BRIX1: variants seen among roughly 807,000 people sequenced by gnomAD.
BRIX1 encodes the protein biogenesis of ribosomes BRX1, also known as ribosome biogenesis protein BRX1 homolog.
Under a neutral mutation model 44.0 loss-of-function variants are expected in BRIX1, and 15 were observed. That is an observed-to-expected ratio of 0.34 (90% confidence interval 0.23 to 0.53). The LOEUF (loss-of-function observed/expected upper bound fraction) is 0.53. BRIX1 is among the 20% of genes least tolerant of loss of function. The pLI is 0.95. For synonymous variants in BRIX1, 149 were observed against 135.4 expected (o/e 1.10, Z -0.70); for missense variants, 420 against 432.8 (o/e 0.97, Z 0.26).
At chr5:34,924,360 A>T (rs143790255) in intron 8 of BRIX1, among the ~76,000 whole-genome samples, 180 of 152,378 alleles carry the variant, frequency 1.2e-3, no homozygotes, top group African/African-American at 4.2e-3. Flanking sequence ...AATAGATAAC[A>T]TAAATATTTG....
intron 1 of BRIX1, among the ~76,000 whole-genome samples, chr5:34,917,094 G>A (rs761405993): frequency 6.6e-6 from 1 of 152,088 alleles, no homozygotes; most frequent in Non-Finnish European, 1.5e-5. Flanking sequence ...ATCAGAGGAA[G>A]TGTAGAATTT....
At chr5:34,919,473 AC>A (rs1764194083) in intron 2 of BRIX1, among the ~76,000 whole-genome samples, 1 of 152,048 alleles carries the variant, frequency 6.6e-6, no homozygotes, top group African/African-American at 2.4e-5. Context: ...GTTTTCTTTG[AC>A]ACCTAAGATT....
intron 2 of BRIX1, chr5:34,919,112 AAAAGT>A (rs1423899110): frequency 6.6e-6 from 1 of 150,970 alleles, no homozygotes; most frequent in African/African-American, 2.4e-5. Flanking sequence ...AAAAAATGAA[AAAAGT>A]AAAGTAAATT....
rs1420201942 is a variant in BRIX1, at chr5:34,923,406, T to C, written c.663+172T>C. 27 of 598,642 alleles carry C rather than the reference T, an allele frequency of 4.5e-5. No homozygotes were observed. The South Asian group carries it at 5.5e-4, about 12-fold the overall frequency. 37.1% of individuals were successfully genotyped at this position (598,642 alleles called of 1,614,324 possible). ...GCTTCTGCTCCCTCAGTCTCCTGAGTAGCTGGGATTACAAGCACCCATCAT... is the reference window on the plus strand; with the variant it reads ...GCTTCTGCTCCCTCAGTCTCCTGAGCAGCTGGGATTACAAGCACCCATCAT... On this transcript the variant is annotated intron_variant, in intron 8 of 9. Coordinates refer to ENST00000336767, the MANE Select transcript of BRIX1 (RefSeq NM_018321.4).
intron 8 of BRIX1, among the ~76,000 whole-genome samples, chr5:34,923,864 T>G (rs1318567424): frequency 6.6e-6 from 1 of 152,220 alleles, no homozygotes; most frequent in African/African-American, 2.4e-5. Context: ...CCTACTTCTA[T>G]TCATGACTGT....
At position 34,918,357 on chromosome 5, in the gene BRIX1, T is replaced by C. The variant is rs762159570; in HGVS notation, c.160-7T>C. On this transcript the variant is annotated splice_region_variant and splice_polypyrimidine_tract_variant and intron_variant, in intron 1 of 9. Transcript: ENST00000336767. Reference sequence around the variant, plus strand: ...TTAAAATCTTTTAACATTTTCTTTTTCTTTAGGGAAAGTGGAAAAATAAGG... The same window carrying C: ...TTAAAATCTTTTAACATTTTCTTTTCCTTTAGGGAAAGTGGAAAAATAAGG... The C allele has an allele frequency of 7.5e-7, 1 of 1,336,348 alleles. No individual in the cohort carries two copies. Among genetic ancestry groups the C allele is most frequent in the Non-Finnish European group, 1.1e-6 (1 of 937,766 alleles). 82.8% of individuals were successfully genotyped at this position (1,336,348 alleles called of 1,614,324 possible).
chr5:34,922,387 A>C, intron 4 of BRIX1, 100 bp downstream of exon 4: 5 of 918,864 alleles, frequency 5.4e-6, no homozygotes, highest in Non-Finnish European at 8.5e-6. Context: ...TTAAGGGTTG[A>C]GAATGAAGCA....
chr5:34,921,577 T>TTTG (rs1764237370), intron 3 of BRIX1: 1 of 152,192 alleles, frequency 6.6e-6, no homozygotes, highest in Non-Finnish European at 1.5e-5. Context: ...GCATCTATTT[T>TTTG]TAGTCTTTGT....
rs1193141317 is a variant in BRIX1, at chr5:34,925,362, C to T, written c.929C>T (p.Pro310Leu). Residue 310 changes from proline to leucine, a missense_variant, in exon 10 of 10, where the codon CCA becomes CTA. Physicochemically the swap from Pro to Leu is moderately conservative, Grantham distance 98. Coordinates refer to ENST00000336767, the MANE Select transcript of BRIX1 (RefSeq NM_018321.4). Reference protein sequence around the residue: ...HDPTADVFVTPAEEKPIEIQW... With the variant: ...HDPTADVFVTLAEEKPIEIQW... ...CCCACTGCAGATGTTTTTGTAACAC[C>T]AGCTGAGGAGAAACCAATAGAAATA... The T allele has an allele frequency of 6.2e-7, 1 of 1,613,812 alleles. No individual in the cohort carries two copies. The highest frequency in any genetic ancestry group is 1.3e-5 in the African/African-American group (1 of 74,872).
At chr5:34,918,798 C>T (rs886540202) in intron 2 of BRIX1, 15 of 197,208 alleles carry the variant, frequency 7.6e-5, no homozygotes, top group Non-Finnish European at 1.3e-4. Context: ...TAAGGACTGC[C>T]ACATGTTGCT....
chr5:34,923,737 T>C (rs1007309649), intron 8 of BRIX1, among the ~76,000 whole-genome samples: 6 of 152,320 alleles, frequency 3.9e-5, no homozygotes, highest in Middle Eastern at 3.4e-3. Context: ...GATAAGGATA[T>C]ACAGGGTTTG....
At position 34,918,480 on chromosome 5, in the gene BRIX1, CT is replaced by C; in HGVS notation, c.271+8del. ...TGATGCCTCATTCTAAAGCAGGTGC[CT>C]TTATATCATATACTTTAGAAATTTC... On this transcript the variant is annotated splice_donor_region_variant and intron_variant, in intron 2 of 9. Transcript: ENST00000336767. 6.5e-7 allele frequency: 1 copy of C among 1,537,214 alleles called. No homozygotes were observed. Among genetic ancestry groups the C allele is most frequent in the Non-Finnish European group, 8.9e-7 (1 of 1,128,712 alleles).
rs746390890 is a variant in BRIX1 at position 34,924,925 on chromosome 5, T to C, written c.742T>C (p.Phe248Leu). 3.7e-6 allele frequency: 6 copies of C among 1,613,760 alleles called. No individual in the cohort carries two copies. The highest frequency in any genetic ancestry group is 5.1e-6 in the Non-Finnish European group (6 of 1,179,796). The part of the protein sequence containing the change: ...LNLIKIFQGS[F>L]GGPTLYENPH... ...TCTCATAAAGATTTTCCAGGGAAGT[T>C]TTGGAGGACCAACTTTATATGAAAA... Residue 248 changes from phenylalanine to leucine, a missense_variant, in exon 9 of 10, where the codon TTT becomes CTT. Physicochemically the swap from Phe to Leu is conservative, Grantham distance 22. Transcript: ENST00000336767.
chr5:34,920,831 G>A (rs866287783), intron 3 of BRIX1: 14 of 143,542 alleles, frequency 9.8e-5, no homozygotes, highest in Admixed American at 9.0e-4. Context: ...CAAAAGTTTT[G>A]TTTTTTTTTT....
At chr5:34,919,274 CAAAAAAAAAAA>C (rs71299559) in intron 2 of BRIX1, among the ~76,000 whole-genome samples, 11 of 35,976 alleles carry the variant, frequency 3.1e-4, no homozygotes, top group East Asian at 2.7e-3. Flanking sequence ...GACCCTGTCT[CAAAAAAAAAAA>C]AAAAAAAAAA....
rs201939948 is a variant in BRIX1, at chr5:34,922,767, C to G, written c.509C>G (p.Pro170Arg). Residue 170 changes from proline (P) to arginine (R), a missense_variant and splice_region_variant, in exon 6 of 10, where the codon CCT (proline) becomes CGT (arginine). Physicochemically the swap from Pro to Arg is moderately radical, Grantham distance 103 (BLOSUM62 -2). Coordinates refer to ENST00000336767, the MANE Select transcript of BRIX1 (RefSeq NM_018321.4). ...TCTCGGCCCCTTTTGTCTTTTGACCCTGTAAGTTTCTCATTCAGTGTATGA... is the reference window on the plus strand; with the variant it reads ...TCTCGGCCCCTTTTGTCTTTTGACCGTGTAAGTTTCTCATTCAGTGTATGA... ...KGSRPLLSFD[P>R]AFDELPHYAL... The G allele has an allele frequency of 3.7e-5, 60 of 1,613,276 alleles. No homozygotes were observed. Among genetic ancestry groups the G allele is most frequent in the Admixed American group, 8.3e-5 (5 of 59,978 alleles).
At position 34,925,833 on chromosome 5, in the gene BRIX1, G is replaced by T; in HGVS notation, c.*338G>T. The T allele has an allele frequency of 5.2e-6, 1 of 193,882 alleles. No homozygotes were observed. The highest frequency in any genetic ancestry group is 1.1e-4 in the South Asian group (1 of 9,140). The allele number at this position is 193,882 out of a possible 1,614,324, so 12.0% of individuals were successfully genotyped here. On this transcript the variant is annotated 3_prime_UTR_variant, in exon 10 of 10. Coordinates refer to ENST00000336767, the MANE Select transcript of BRIX1 (RefSeq NM_018321.4). ...TGTAAAAGCATTCAACACTTCAAGA[G>T]CATCGGTTGTGGATGGTAAAGTAGG...
At chr5:34,917,440 TG>T (rs2111970154) in intron 1 of BRIX1, among the ~76,000 whole-genome samples, 1 of 151,116 alleles carries the variant, frequency 6.6e-6, no homozygotes, top group Non-Finnish European at 1.5e-5. Flanking sequence ...AAGACCAGCC[TG>T]GCCAAGATGG....
In BRIX1 at chr5:34,925,436, C is replaced by T. The variant is rs771020026; in HGVS notation, c.1003C>T (p.Arg335Trp). The change falls in exon 10 of 10, where the codon CGG becomes TGG. Residue 335 changes from arginine to tryptophan, a missense_variant. Transcript: ENST00000336767. Reference sequence around the variant, plus strand: ...AGTTGATTTGAAAGCAAGAAAGAAACGGATTTACAAAAGGCAAAGAAAAAT... The same window carrying T: ...AGTTGATTTGAAAGCAAGAAAGAAATGGATTTACAAAAGGCAAAGAAAAAT... ...PKVDLKARKK[R>W]IYKRQRKMKQ... 6.8e-6 allele frequency: 11 copies of T among 1,613,260 alleles called. No individual in the cohort carries two copies. The highest frequency in any genetic ancestry group is 9.3e-6 in the Non-Finnish European group (11 of 1,179,718).
Sources: allele counts gnomAD v4.1 joint callset (sites outside exome capture counted in the v4.1 genomes callset), GRCh38; gene constraint gnomAD v4.1.1; transcripts MANE v1.5; gene names NCBI Gene and HGNC (gene_info 2026-07-23, HGNC 2026-07-21).